Variants in UNC13B observed in about 807,000 individuals in gnomAD.
UNC13B encodes unc-13 homolog B.
UNC13B carries 144 observed loss-of-function variants against 211.0 expected under a neutral mutation model. The ratio of observed to expected loss-of-function variants is 0.68; its 90% CI spans 0.60 to 0.78. The LOEUF is 0.78. Ranked by LOEUF, UNC13B falls within the 30% of genes least tolerant of loss-of-function variation. UNC13B has a pLI of 0.00. For missense variants in UNC13B, 1,777 were observed against 2,002.0 expected (o/e 0.89, Z 2.14); for synonymous variants, 709 against 725.8 (o/e 0.98, Z 0.37).
Position 35,303,685 on chromosome 9 carries a change from A to G in UNC13B, c.4281A>G (p.Pro1427=), listed in dbSNP as rs1829793089. The G allele has an allele frequency of 5.0e-6, 2 of 398,800 alleles. No individual in the cohort carries two copies. Among genetic ancestry groups the G allele is most frequent in the South Asian group, 1.3e-4 (1 of 7,862 alleles). The allele number at this position is 398,800 out of a possible 1,614,324, so 24.7% of individuals were successfully genotyped here. ...NPNSVIWCDL[P]YESFNQLAFN... ...ACAGTGTCATTTGGTGTGACTTACC[A>G]TATGAATCATTCAATCAGTTAGCAT... The change falls in exon 9 of 40, where the codon CCA becomes CCG. Residue 1427 remains proline (P), a synonymous_variant. Coordinates refer to ENST00000635942, the MANE Select transcript of UNC13B (RefSeq NM_001371189.2).
Position 35,376,033 on chromosome 9 carries a change from C to T in UNC13B, c.9621C>T (p.Ser3207=), listed in dbSNP as rs774651268. The part of the protein sequence containing the change: ...RTSLKDEELK[S]HVYKKTLQAL... The stretch of plus-strand genomic sequence containing the variant: ...ATGGGGTATGTGTCTTTCAGAAATC[C>T]CACGTGTATAAGAAAACCCTGCAGG... The change falls in exon 15 of 40, where the codon TCC becomes TCT. Residue 3207 remains serine (S), a synonymous_variant. Coordinates refer to ENST00000635942, the MANE Select transcript of UNC13B (RefSeq NM_001371189.2). 6.2e-7 allele frequency: 1 copy of T among 1,614,054 alleles called. No individual in the cohort carries two copies. Among genetic ancestry groups the T allele is most frequent in the Non-Finnish European group, 8.5e-7 (1 of 1,180,018 alleles).
At chr9:35,180,734 T>G (rs1327508637) in intron 1 of UNC13B, among the ~76,000 whole-genome samples, 1 of 152,182 alleles carries the variant, frequency 6.6e-6, no homozygotes, top group African/African-American at 2.4e-5. Flanking sequence ...GCAGTGTTTG[T>G]TTTTGTTTTT....
chr9:35,248,334 G>A (rs553941247), intron 6 of UNC13B, among the ~76,000 whole-genome samples: 3 of 151,996 alleles, frequency 2.0e-5, no homozygotes, highest in African/African-American at 4.8e-5. Context: ...TTTTTGAAGG[G>A]TTTTTTGTGT....
At chr9:35,402,100 C>T (rs1836343098) in intron 37 of UNC13B, 2 of 1,213,320 alleles carry the variant, frequency 1.6e-6, no homozygotes, top group African/African-American at 1.5e-5. Context: ...GGTGGGGGAA[C>T]AAGCTGTCAA....
intron 1 of UNC13B, among the ~76,000 whole-genome samples, chr9:35,177,346 C>T (rs1382127752): frequency 6.6e-6 from 1 of 151,990 alleles, no homozygotes; most frequent in Non-Finnish European, 1.5e-5. Context: ...GGAAAGTTAG[C>T]GGGAATAAGA....
chr9:35,367,071 G>A lies in UNC13B; in HGVS notation c.9461+78G>A, dbSNP rs1462322157. ...CTTTTAGCTTTTCCCCTGGGAAGCA[G>A]GGGAACCAGCTTCATAAGCTGCATC... On this transcript the variant is annotated intron_variant, in intron 12 of 39. Coordinates refer to ENST00000635942, the MANE Select transcript of UNC13B (RefSeq NM_001371189.2). 3 of 1,430,646 alleles carry A rather than the reference G, an allele frequency of 2.1e-6. No individual in the cohort carries two copies. The Admixed American group carries it at 5.1e-5, about 24-fold the overall frequency. 88.6% of individuals were successfully genotyped at this position (1,430,646 alleles called of 1,614,324 possible).
intron 12 of UNC13B, among the ~76,000 whole-genome samples, chr9:35,367,881 C>T (rs1018149059): frequency 2.0e-5 from 3 of 152,156 alleles, no homozygotes; most frequent in Non-Finnish European, 4.4e-5. Flanking sequence ...CCACTCCTTC[C>T]CACAAATACC....
In UNC13B at chr9:35,404,525, A is replaced by G. The variant is rs549338433; in HGVS notation, c.*492A>G. 3 of 174,450 alleles carry G rather than the reference A, an allele frequency of 1.7e-5. No homozygotes were observed. Among genetic ancestry groups the G allele is most frequent in the Admixed American group, 1.6e-4 (3 of 18,576 alleles). The allele number at this position is 174,450 out of a possible 1,614,324, so 10.8% of individuals were successfully genotyped here. A position where few individuals can be genotyped will look rare whatever the true frequency, so the allele number is the denominator to read the frequency against. On this transcript the variant is annotated 3_prime_UTR_variant, in exon 40 of 40. Coordinates refer to ENST00000635942, the MANE Select transcript of UNC13B (RefSeq NM_001371189.2). ...GTATGGCCAGGGCAGGAGTACACAG[A>G]ATAGAATTTAGACTGTCCCTTGAGT...
intron 7 of UNC13B, among the ~76,000 whole-genome samples, chr9:35,282,346 A>AGTAT: frequency 6.6e-6 from 1 of 152,140 alleles, no homozygotes; most frequent in African/African-American, 2.4e-5. Context: ...TTGTCACCCA[A>AGTAT]GTATGTATCT....
At chr9:35,255,880 G>T (rs1223281738) in intron 6 of UNC13B, among the ~76,000 whole-genome samples, 1 of 152,146 alleles carries the variant, frequency 6.6e-6, no homozygotes, top group Non-Finnish European at 1.5e-5. Flanking sequence ...CAAGAAGGGG[G>T]TCTTTTTGGA....
At chr9:35,309,233 G>A (rs1380257781) in intron 9 of UNC13B, among the ~76,000 whole-genome samples, 2 of 101,818 alleles carry the variant, frequency 2.0e-5, no homozygotes, top group African/African-American at 7.4e-5. Context: ...GTGTGTGTGT[G>A]TGTGTGTGTG....
chr9:35,235,794 T>G (rs1825467065), intron 3 of UNC13B, among the ~76,000 whole-genome samples: 1 of 152,192 alleles, frequency 6.6e-6, no homozygotes. Flanking sequence ...ATGTGTAGTT[T>G]AAGTTGAAGC....
intron 26 of UNC13B, 119 bp from the exon 27 acceptor site, chr9:35,396,357 G>A: frequency 3.8e-6 from 5 of 1,311,022 alleles, no homozygotes; most frequent in Non-Finnish European, 5.3e-6. Context: ...GAGGTTGGGA[G>A]TCACCCTTGT....
In UNC13B at chr9:35,173,296, G is replaced by C. The variant is rs373831355; in HGVS notation, c.22+10991G>C. On this transcript the variant is annotated intron_variant, in intron 1 of 39. Coordinates refer to ENST00000635942, the MANE Select transcript of UNC13B (RefSeq NM_001371189.2). ...AGGAAATCTGCTTGCCAAGGAAAGG[G>C]GGGTAAATGATAGATATAAACCTGT... 1.8e-4 allele frequency among the ~76,000 whole-genome samples: 28 copies of C among 152,230 alleles called. No individual in the cohort carries two copies. The East Asian group carries it at 5.2e-3, about 28-fold the overall frequency.
chr9:35,235,280 T>C (rs1434648010), intron 3 of UNC13B, among the ~76,000 whole-genome samples: 1 of 152,176 alleles, frequency 6.6e-6, no homozygotes, highest in Non-Finnish European at 1.5e-5. Context: ...TGCTTATAAG[T>C]GACAGTGCCT....
intron 11 of UNC13B, among the ~76,000 whole-genome samples, chr9:35,366,593 G>T (rs1250907773): frequency 6.6e-6 from 1 of 152,196 alleles, no homozygotes. Context: ...TTTTGCTTTA[G>T]TGAGGCCTGG....
rs1162085287 is a variant in UNC13B at position 35,162,100 on chromosome 9, C to T, written c.-184C>T. On this transcript the variant is annotated 5_prime_UTR_variant, in exon 1 of 40. Transcript: ENST00000635942. ...CCGGTACTCACCGCTACCCGGAGTTCGCTCAGACGGTGAGATTTGGGGCGG... is the reference window on the plus strand; with the variant it reads ...CCGGTACTCACCGCTACCCGGAGTTTGCTCAGACGGTGAGATTTGGGGCGG... 1.1e-5 allele frequency: 10 copies of T among 875,634 alleles called. No individual in the cohort carries two copies. In the East Asian group the frequency reaches 2.3e-4, roughly 20 times the overall value. 54.2% of individuals were successfully genotyped at this position (875,634 alleles called of 1,614,324 possible).
intron 25 of UNC13B, 128 bp downstream of exon 25, chr9:35,390,101 C>G: frequency 6.7e-7 from 1 of 1,491,550 alleles, no homozygotes; most frequent in Non-Finnish European, 9.1e-7. Context: ...ATCTGTCCCT[C>G]TGTCCCTTGT....
chr9:35,338,934 A>G (rs965824102), intron 11 of UNC13B, among the ~76,000 whole-genome samples: 13 of 152,168 alleles, frequency 8.5e-5, no homozygotes, highest in African/African-American at 3.1e-4. Context: ...GCCCTCCTCC[A>G]GTATTTCTGT....
Sources: allele counts gnomAD v4.1 joint callset (sites outside exome capture counted in the v4.1 genomes callset), GRCh38; gene constraint gnomAD v4.1.1; transcripts MANE v1.5; gene names NCBI Gene and HGNC (gene_info 2026-07-23, HGNC 2026-07-21).